The following TOX2 variants were observed in gnomAD, a reference collection of about 807,000 sequenced individuals.
The protein encoded by TOX2 is granulosa cell HMG box 1.
A neutral mutation model predicts 47.4 loss-of-function variants in TOX2; 15 were observed. The observed-to-expected ratio is 0.32, with a 90% CI of 0.21 to 0.49. The LOEUF is 0.49. Ranked by LOEUF, TOX2 falls within the 20% of genes least tolerant of loss-of-function variation. The pLI is 0.99. For missense variants in TOX2, 622 were observed against 673.1 expected (o/e 0.92, Z 0.84); for synonymous variants, 290 against 296.6 (o/e 0.98, Z 0.23).
At chr20:44,037,020 T>A (rs1338822360) in intron 3 of TOX2, among the ~76,000 whole-genome samples, 1 of 152,212 alleles carries the variant, frequency 6.6e-6, no homozygotes, top group Non-Finnish European at 1.5e-5. Flanking sequence ...AATGGTGCGA[T>A]CGCAGCTCAT....
At position 44,059,304 on chromosome 20, in the gene TOX2, A is replaced by G. The variant is rs1038247642; in HGVS notation, c.879+4778A>G. On this transcript the variant is annotated intron_variant, in intron 5 of 8. Transcript: ENST00000341197. Reference sequence around the variant, plus strand: ...GCTCAAAGACAAGGCTTTCAAATTAACCCAATTCAACAGAGACAAAAAATT... The same window carrying G: ...GCTCAAAGACAAGGCTTTCAAATTAGCCCAATTCAACAGAGACAAAAAATT... Among the ~76,000 whole-genome samples the G allele has an allele frequency of 3.3e-5, 5 of 152,290 alleles. No homozygotes were observed. In the South Asian group the frequency reaches 8.3e-4, roughly 25 times the overall value.
intron 3 of TOX2, 102 bp downstream of exon 3, chr20:44,006,894 A>T: frequency 1.4e-6 from 2 of 1,457,226 alleles, no homozygotes; most frequent in East Asian, 2.5e-5. Context: ...CTCTCTGCTC[A>T]TGGGCAGGGT....
chr20:44,053,099 C>T (rs992232686), intron 4 of TOX2, among the ~76,000 whole-genome samples: 1 of 152,206 alleles, frequency 6.6e-6, no homozygotes, highest in Non-Finnish European at 1.5e-5. Flanking sequence ...CTACAGGGTC[C>T]AGGGCTTTTG....
intron 1 of TOX2, among the ~76,000 whole-genome samples, chr20:43,944,146 C>T (rs926419023): frequency 6.6e-6 from 1 of 152,160 alleles, no homozygotes; most frequent in African/African-American, 2.4e-5. Context: ...TGCCTTGGAT[C>T]TATGGGTTGT....
intron 3 of TOX2, among the ~76,000 whole-genome samples, chr20:44,050,949 T>C (rs746561368): frequency 3.3e-5 from 5 of 152,194 alleles, no homozygotes; most frequent in African/African-American, 7.2e-5. Flanking sequence ...TGCTGACTGC[T>C]CAGTTCATGC....
chr20:43,973,469 A>G, intron 2 of TOX2, 37 bp downstream of exon 2: 2 of 1,606,734 alleles, frequency 1.2e-6, no homozygotes, highest in Non-Finnish European at 1.7e-6. Context: ...GTGTCTTAAG[A>G]TTTGGGCTGG....
intron 3 of TOX2, among the ~76,000 whole-genome samples, chr20:44,019,153 T>C (rs1196983667): frequency 6.6e-6 from 1 of 152,244 alleles, no homozygotes; most frequent in Non-Finnish European, 1.5e-5. Flanking sequence ...TAAATGCCTC[T>C]GTAAACACCT....
At chr20:43,922,036 C>T (rs980916290) in intron 1 of TOX2, among the ~76,000 whole-genome samples, 2 of 152,166 alleles carry the variant, frequency 1.3e-5, no homozygotes, top group African/African-American at 4.8e-5. Flanking sequence ...GTTCAAATCA[C>T]AGCTGCCCAG....
intron 1 of TOX2, among the ~76,000 whole-genome samples, chr20:43,963,562 G>T (rs1600687848): frequency 6.6e-6 from 1 of 152,320 alleles, no homozygotes; most frequent in East Asian, 1.9e-4. Flanking sequence ...GGCAGGTCTT[G>T]GCTGTGTGGC....
intron 2 of TOX2, among the ~76,000 whole-genome samples, chr20:43,982,203 T>C (rs1284111072): frequency 6.6e-6 from 1 of 152,004 alleles, no homozygotes; most frequent in African/African-American, 2.4e-5. Context: ...CCTGAAGGTG[T>C]CAGTCTTCTC....
chr20:44,055,010 A>G (rs548201285), intron 5 of TOX2, among the ~76,000 whole-genome samples: 25 of 152,334 alleles, frequency 1.6e-4, no homozygotes, highest in African/African-American at 6.0e-4. Context: ...TTTCATGTCT[A>G]TTAAAACAGG....
chr20:43,925,672 G>A (rs530115810), intron 1 of TOX2, among the ~76,000 whole-genome samples: 24 of 152,248 alleles, frequency 1.6e-4, no homozygotes, highest in African/African-American at 4.6e-4. Context: ...GTTGGGTGCC[G>A]GTTCCTTAGT....
chr20:43,918,122 T>G (rs1399821500), intron 1 of TOX2, among the ~76,000 whole-genome samples: 2 of 152,174 alleles, frequency 1.3e-5, no homozygotes, highest in African/African-American at 4.8e-5. Context: ...GCCTGTAACA[T>G]CTTTCTTAGG....
chr20:44,047,852 T>TAAAA (rs1198225728), intron 3 of TOX2, among the ~76,000 whole-genome samples: 1 of 141,886 alleles, frequency 7.0e-6, no homozygotes, highest in Non-Finnish European at 1.6e-5. Flanking sequence ...AAAAAAAAAT[T>TAAAA]AAAAAAAAAA....
In TOX2 at chr20:44,017,378, G is replaced by A. The variant is rs920341018; in HGVS notation, c.411+10586G>A. Among the ~76,000 whole-genome samples, 10 of 152,282 alleles carry A rather than the reference G, an allele frequency of 6.6e-5. No homozygotes were observed. In the South Asian group the frequency reaches 1.5e-3, roughly 22 times the overall value. ...GAGTGGCGGGCAGGGAACAGTGGCCGTGATTTCAGCTTGGTGTCAACCCGG... is the reference window on the plus strand; with the variant it reads ...GAGTGGCGGGCAGGGAACAGTGGCCATGATTTCAGCTTGGTGTCAACCCGG... On this transcript the variant is annotated intron_variant, in intron 3 of 8. Coordinates refer to ENST00000341197, the MANE Select transcript of TOX2 (RefSeq NM_001098797.2).
intron 1 of TOX2, among the ~76,000 whole-genome samples, chr20:43,917,703 G>A (rs906799623): frequency 1.3e-5 from 2 of 152,130 alleles, no homozygotes; most frequent in Non-Finnish European, 2.9e-5. Flanking sequence ...AACATTGGTT[G>A]TTCTTTTGGT....
At chr20:43,957,298 C>T (rs1311659669) in intron 1 of TOX2, among the ~76,000 whole-genome samples, 3 of 152,288 alleles carry the variant, frequency 2.0e-5, no homozygotes, top group African/African-American at 7.2e-5. Context: ...CCTCTTGTCC[C>T]CATTCTGTTT....
intron 3 of TOX2, among the ~76,000 whole-genome samples, chr20:44,044,811 C>T (rs550747008): frequency 1.5e-3 from 221 of 152,262 alleles, no homozygotes; most frequent in African/African-American, 4.8e-3. Context: ...AGAGGCTCCA[C>T]GAGATACTTG....
At chr20:43,989,721 A>G (rs1234140797) in intron 2 of TOX2, among the ~76,000 whole-genome samples, 1 of 150,978 alleles carries the variant, frequency 6.6e-6, no homozygotes, top group Non-Finnish European at 1.5e-5. Context: ...TGGAGGTTAC[A>G]GTGAGGCGAG....
Sources: gnomAD v4.1 joint callset for allele counts (sites outside exome capture counted in the v4.1 genomes callset) on GRCh38, gnomAD v4.1.1 for gene constraint, MANE v1.5 for transcripts, NCBI Gene and HGNC (gene_info 2026-07-23, HGNC 2026-07-21) for gene names.